DACH2: variants seen among roughly 807,000 people sequenced by gnomAD.
The protein encoded by DACH2 is dachshund homolog 2.
DACH2 carries 17 observed loss-of-function variants against 35.8 expected under a neutral mutation model. The observed-to-expected ratio is 0.48, with a 90% CI of 0.33 to 0.71. DACH2 has a LOEUF of 0.71. Ranked by LOEUF, DACH2 falls within the 30% of genes least tolerant of loss-of-function variation. DACH2 has a pLI of 0.02. For synonymous variants in DACH2, 195 were observed against 177.3 expected (o/e 1.10, Z -0.79); for missense variants, 469 against 472.7 (o/e 0.99, Z 0.07).
chrX:86,740,935 A>T (rs960357698), intron 7 of DACH2, among the ~76,000 whole-genome samples: 3 of 111,495 alleles, frequency 2.7e-5, no homozygotes, highest in African/African-American at 6.5e-5. Flanking sequence ...CGACAGGTAC[A>T]TTCAGCTGTA....
chrX:86,296,332 G>A (rs2034456523), intron 1 of DACH2, among the ~76,000 whole-genome samples: 1 of 92,471 alleles, frequency 1.1e-5, no homozygotes, highest in Admixed American at 1.3e-4. Flanking sequence ...AGTGAGCCGA[G>A]ATTGCGCCAC....
At chrX:86,786,491 TA>T in intron 7 of DACH2, among the ~76,000 whole-genome samples, 1 of 111,955 alleles carries the variant, frequency 8.9e-6, no homozygotes, top group South Asian at 3.7e-4. Context: ...AAATGATGAA[TA>T]AGAAAGTGGA....
chrX:86,442,614 A>T (rs754079121), intron 2 of DACH2, among the ~76,000 whole-genome samples: 5 of 102,027 alleles, frequency 4.9e-5, no homozygotes, highest in African/African-American at 7.3e-5. Context: ...TTATCCAAAA[A>T]TTTTTTGCCT....
At chrX:86,494,785 T>G (rs2038142680) in intron 2 of DACH2, among the ~76,000 whole-genome samples, 1 of 112,294 alleles carries the variant, frequency 8.9e-6, no homozygotes, top group Non-Finnish European at 1.9e-5. Context: ...AAAACCAAAA[T>G]TATCAATTGC....
intron 7 of DACH2, among the ~76,000 whole-genome samples, chrX:86,782,692 T>G (rs745516670): frequency 8.9e-6 from 1 of 111,811 alleles, no homozygotes; most frequent in East Asian, 2.8e-4. Context: ...TTGGGAAAAC[T>G]GAATATCCAT....
At chrX:86,671,773 G>A (rs773674151) in intron 4 of DACH2, among the ~76,000 whole-genome samples, 1 of 111,982 alleles carries the variant, frequency 8.9e-6, no homozygotes, top group Non-Finnish European at 1.9e-5. Context: ...GAGGAGTGGG[G>A]CATTGCTATA....
intron 2 of DACH2, among the ~76,000 whole-genome samples, chrX:86,430,341 T>A (rs2036965757): frequency 8.9e-6 from 1 of 112,208 alleles, no homozygotes; most frequent in Non-Finnish European, 1.9e-5. Context: ...GTATGGAAAA[T>A]GTTAAATAAC....
chrX:86,402,217 T>C (rs1269166105), intron 2 of DACH2, among the ~76,000 whole-genome samples: 2 of 111,552 alleles, frequency 1.8e-5, no homozygotes, highest in African/African-American at 6.5e-5. Flanking sequence ...ACAAAATCTA[T>C]CCAAATAGGA....
chrX:86,707,919 A>AAAAAAAAAAAAAAAAAAAAAT (rs2041236511), intron 5 of DACH2, among the ~76,000 whole-genome samples: 1 of 100,572 alleles, frequency 9.9e-6, no homozygotes, highest in Non-Finnish European at 2.0e-5. Flanking sequence ...ATCTAAAAAA[A>AAAAAAAAAAAAAAAAAAAAAT]AAAAAAAAAA....
At chrX:86,306,704 T>A (rs1454894931) in intron 1 of DACH2, among the ~76,000 whole-genome samples, 2 of 111,947 alleles carry the variant, frequency 1.8e-5, no homozygotes, top group African/African-American at 6.5e-5. Context: ...CAACTTGGAC[T>A]GGCTCTCCTT....
At position 86,824,602 on chromosome X, in the gene DACH2, T is replaced by A. The variant is rs1009495277; in HGVS notation, c.1751-7504T>A. On this transcript the variant is annotated intron_variant, in intron 11 of 11. Transcript: ENST00000373125. ...TATGAAAGTATCATTTGGGAACTGATAAATGTCCATGAAATCTTCACAATT... is the reference window on the plus strand; with the variant it reads ...TATGAAAGTATCATTTGGGAACTGAAAAATGTCCATGAAATCTTCACAATT... Among the ~76,000 whole-genome samples, 10 of 112,257 alleles carry A rather than the reference T, an allele frequency of 8.9e-5. No homozygotes were observed. The East Asian group carries it at 2.8e-3, about 32-fold the overall frequency.
At chrX:86,222,465 A>G (rs1272024652) in intron 1 of DACH2, among the ~76,000 whole-genome samples, 1 of 112,063 alleles carries the variant, frequency 8.9e-6, no homozygotes, top group Non-Finnish European at 1.9e-5. Context: ...GCAGGGCTCA[A>G]GGTAGGTATT....
intron 1 of DACH2, among the ~76,000 whole-genome samples, chrX:86,315,834 C>CAGAGAGAG (rs1418420950): frequency 2.2e-4 from 17 of 77,052 alleles, no homozygotes; most frequent in African/African-American, 8.5e-4. Flanking sequence ...CACACACACA[C>CAGAGAGAG]ACACACAGAG....
At chrX:86,622,081 A>G (rs1055188997) in intron 3 of DACH2, among the ~76,000 whole-genome samples, 4 of 111,444 alleles carry the variant, frequency 3.6e-5, no homozygotes, top group African/African-American at 6.5e-5. Context: ...ATACTGCAAT[A>G]CCAGTTTAGA....
intron 1 of DACH2, among the ~76,000 whole-genome samples, chrX:86,347,686 A>G (rs1423435504): frequency 3.5e-5 from 4 of 112,751 alleles, no homozygotes; most frequent in Admixed American, 1.9e-4. Context: ...TTCTTTGACC[A>G]TCTGCTAAAT....
At chrX:86,701,299 TAA>T (rs2041139555) in intron 5 of DACH2, among the ~76,000 whole-genome samples, 1 of 111,466 alleles carries the variant, frequency 9.0e-6, no homozygotes, top group South Asian at 3.7e-4. Context: ...AGGCTTTTGG[TAA>T]AATTGAAGAT....
intron 3 of DACH2, among the ~76,000 whole-genome samples, chrX:86,579,096 G>GTTTTTTTTTTTTTT (rs770568711): frequency 8.8e-5 from 9 of 102,444 alleles, no homozygotes; most frequent in East Asian, 6.1e-4. Context: ...TCACTTTTTA[G>GTTTTTTTTTTTTTT]TTTTTTTTTT....
chrX:86,317,772 T>C (rs1233704722), intron 1 of DACH2, among the ~76,000 whole-genome samples: 3 of 111,435 alleles, frequency 2.7e-5, no homozygotes, highest in Non-Finnish European at 5.6e-5. Flanking sequence ...GGTTTGTACC[T>C]TCAAATACCT....
At chrX:86,150,554 C>G (rs774995467) in intron 1 of DACH2, among the ~76,000 whole-genome samples, 20 of 111,263 alleles carry the variant, frequency 1.8e-4, no homozygotes, top group African/African-American at 6.2e-4. Context: ...TTTCTGTGTT[C>G]AAGCAATTAA....
Sources: allele counts gnomAD v4.1 joint callset (sites outside exome capture counted in the v4.1 genomes callset), GRCh38; gene constraint gnomAD v4.1.1; transcripts MANE v1.5; gene names NCBI Gene and HGNC (gene_info 2026-07-23, HGNC 2026-07-21).